SUPT3H: variants seen among roughly 807,000 people sequenced by gnomAD.
The protein encoded by SUPT3H is transcription initiation protein SPT3 homolog.
A neutral mutation model predicts 44.3 loss-of-function variants in SUPT3H; 44 were observed. That is an observed-to-expected ratio of 0.99 (90% confidence interval 0.78 to 1.28). SUPT3H has a LOEUF of 1.28. Ranked by LOEUF, SUPT3H falls within the 50% of genes most tolerant of loss-of-function variation. The pLI is 0.00. For missense variants in SUPT3H, 380 were observed against 387.1 expected, an observed-to-expected ratio of 0.98 and a Z score of 0.15; for synonymous variants, 124 against 125.6, an observed-to-expected ratio of 0.99 and a Z score of 0.09.
At chr6:45,287,105 G>C (rs1489070668) in intron 2 of SUPT3H, among the ~76,000 whole-genome samples, 2 of 152,032 alleles carry the variant, frequency 1.3e-5, no homozygotes, top group Non-Finnish European at 2.9e-5. Flanking sequence ...GGTCGGAGGA[G>C]AGGGGAGGGA....
At chr6:44,815,855 T>C (rs577766663) in intron 11 of SUPT3H, among the ~76,000 whole-genome samples, 3 of 151,914 alleles carry the variant, frequency 2.0e-5, no homozygotes, top group Admixed American at 6.5e-5. Flanking sequence ...CCCATTACTA[T>C]TTCAAAGGCA....
chr6:45,070,896 A>G (rs1794287795), intron 3 of SUPT3H, among the ~76,000 whole-genome samples: 1 of 152,214 alleles, frequency 6.6e-6, no homozygotes, highest in African/African-American at 2.4e-5. Context: ...CACAGGAAAC[A>G]AAGCAGATGT....
At chr6:44,973,646 A>G (rs1777910416) in intron 6 of SUPT3H, among the ~76,000 whole-genome samples, 1 of 152,096 alleles carries the variant, frequency 6.6e-6, no homozygotes, top group Non-Finnish European at 1.5e-5. Flanking sequence ...CCTGGTACCA[A>G]TTTCCTATAT....
intron 2 of SUPT3H, among the ~76,000 whole-genome samples, chr6:45,254,885 T>A (rs1440711084): frequency 1.3e-5 from 2 of 152,146 alleles, no homozygotes; most frequent in Admixed American, 6.6e-5. Context: ...CATGCCAACC[T>A]GCTGCATTCC....
At chr6:45,134,321 T>A (rs920040524) in intron 2 of SUPT3H, among the ~76,000 whole-genome samples, 3 of 152,224 alleles carry the variant, frequency 2.0e-5, no homozygotes, top group Admixed American at 6.5e-5. Flanking sequence ...CACCTCTTAT[T>A]AGGCTCAACC....
chr6:44,814,299 C>G (rs1421132672), intron 11 of SUPT3H, among the ~76,000 whole-genome samples: 2 of 152,108 alleles, frequency 1.3e-5, no homozygotes, highest in Admixed American at 1.3e-4. Context: ...GGTCTCCCAA[C>G]AGGTTATTTA....
intron 11 of SUPT3H, among the ~76,000 whole-genome samples, chr6:44,815,063 C>A (rs970529376): frequency 4.6e-5 from 7 of 151,908 alleles, no homozygotes; most frequent in Admixed American, 3.3e-4. Context: ...GAAGTATGTA[C>A]TTTATGAACA....
intron 10 of SUPT3H, among the ~76,000 whole-genome samples, chr6:44,925,851 T>C (rs1769433062): frequency 6.6e-6 from 1 of 152,140 alleles, no homozygotes; most frequent in African/African-American, 2.4e-5. Flanking sequence ...TCATTACCAT[T>C]ACCATTCAAA....
At chr6:44,979,944 T>C (rs577842213) in intron 6 of SUPT3H, among the ~76,000 whole-genome samples, 1 of 152,326 alleles carries the variant, frequency 6.6e-6, no homozygotes, top group South Asian at 2.1e-4. Flanking sequence ...TTGAAGTACG[T>C]TCTTATCAAT....
At chr6:45,208,182 A>G (rs1407905734) in intron 2 of SUPT3H, among the ~76,000 whole-genome samples, 1 of 152,202 alleles carries the variant, frequency 6.6e-6, no homozygotes, top group African/African-American at 2.4e-5. Flanking sequence ...AATACCAGTT[A>G]GAACATTCCC....
At chr6:45,058,737 T>C (rs578045124) in intron 3 of SUPT3H, among the ~76,000 whole-genome samples, 8 of 152,220 alleles carry the variant, frequency 5.3e-5, no homozygotes, top group Non-Finnish European at 1.2e-4. Flanking sequence ...CCCTGCCCCA[T>C]CATTTTTAGC....
intron 10 of SUPT3H, among the ~76,000 whole-genome samples, chr6:44,930,400 A>T (rs1023092134): frequency 2.0e-5 from 3 of 151,174 alleles, no homozygotes; most frequent in African/African-American, 7.3e-5. Context: ...AAGAAAAAAA[A>T]ATTATTACAA....
chr6:45,334,395 A>T (rs1788116014), intron 2 of SUPT3H, among the ~76,000 whole-genome samples: 1 of 143,866 alleles, frequency 7.0e-6, no homozygotes, highest in Non-Finnish European at 1.5e-5. Context: ...TTATTTACAT[A>T]TTCCTTATAG....
At chr6:45,010,698 T>C (rs75310421) in intron 5 of SUPT3H, among the ~76,000 whole-genome samples, 4 of 152,206 alleles carry the variant, frequency 2.6e-5, no homozygotes, top group East Asian at 1.9e-4. Context: ...CAAACTTTCT[T>C]GTGTCTCTTC....
chr6:45,011,352 C>T (rs1035516220), intron 5 of SUPT3H, among the ~76,000 whole-genome samples: 1 of 152,010 alleles, frequency 6.6e-6, no homozygotes, highest in African/African-American at 2.4e-5. Context: ...TAACCTTTTG[C>T]TATTGTCCTG....
chr6:45,048,221 C>CTT (rs67557043), intron 3 of SUPT3H, among the ~76,000 whole-genome samples: 269 of 87,654 alleles, frequency 3.1e-3, no homozygotes, highest in African/African-American at 5.6e-3. Flanking sequence ...TCTCTCTACT[C>CTT]TTTTTTTTTT....
At chr6:45,361,565 A>T (rs573764484) in intron 2 of SUPT3H, 34 of 152,356 alleles carry the variant, frequency 2.2e-4, no homozygotes, top group Admixed American at 1.4e-3. Context: ...TTCACTTTCA[A>T]ATTTACAGGC....
In SUPT3H at chr6:45,008,761, G is replaced by A. The variant is rs141467455; in HGVS notation, c.365-4969C>T. 2.5e-3 allele frequency among the ~76,000 whole-genome samples: 381 copies of A among 150,158 alleles called. 15 individuals carry two copies. In the East Asian group the frequency reaches 0.067, roughly 26 times the overall value. On this transcript the variant is annotated intron_variant, in intron 5 of 10. Coordinates refer to ENST00000371459, the MANE Select transcript of SUPT3H (RefSeq NM_003599.4). ...TGGCTAATGACTTTTTTTTTTTTGA[G>A]ATGGAATCTCCCTCTATTGCCCAGG... is the stretch of plus-strand genomic sequence containing the variant.
At chr6:44,956,825 C>G (rs1431516954) in intron 7 of SUPT3H, among the ~76,000 whole-genome samples, 1 of 152,198 alleles carries the variant, frequency 6.6e-6, no homozygotes, top group Non-Finnish European at 1.5e-5. Flanking sequence ...CTTCCCTACT[C>G]TAGCCATTTA....
Sources: allele counts gnomAD v4.1 joint callset (sites outside exome capture counted in the v4.1 genomes callset), GRCh38; gene constraint gnomAD v4.1.1; transcripts MANE v1.5; gene names NCBI Gene and HGNC (gene_info 2026-07-23, HGNC 2026-07-21).